GLP1R: variants seen among roughly 807,000 people sequenced by gnomAD.
The protein encoded by GLP1R is glucagon like peptide 1 receptor.
A neutral mutation model predicts 68.4 loss-of-function variants in GLP1R; 32 were observed. That is an observed-to-expected ratio of 0.47 (90% CI 0.35 to 0.63). GLP1R has a LOEUF of 0.63. Ranked by LOEUF, GLP1R falls within the 20% of genes least tolerant of loss-of-function variation. GLP1R has a pLI of 0.00. For missense variants in GLP1R, 502 were observed against 594.9 expected (o/e 0.84, Z 1.62); for synonymous variants, 263 against 244.4 (o/e 1.08, Z -0.71).
At chr6:39,053,081 A>T (rs1768124020) in intron 1 of GLP1R, among the ~76,000 whole-genome samples, 1 of 152,084 alleles carries the variant, frequency 6.6e-6, no homozygotes, top group Non-Finnish European at 1.5e-5. Context: ...AAGCCTGTCA[A>T]GTCTTGATTC....
At chr6:39,080,077 G>A (rs1177877894) in intron 11 of GLP1R, among the ~76,000 whole-genome samples, 2 of 152,110 alleles carry the variant, frequency 1.3e-5, no homozygotes, top group Non-Finnish European at 2.9e-5. Context: ...AGACTCAGAG[G>A]TGTTAAAACC....
At position 39,055,725 on chromosome 6, in the gene GLP1R, G is replaced by A. The variant is rs3799705; in HGVS notation, c.79-672G>A. Among the ~76,000 whole-genome samples the A allele has an allele frequency of 5.9e-3, 755 of 127,414 alleles. 10 individuals carry two copies. Among genetic ancestry groups the A allele is most frequent in the African/African-American group, 0.03 (703 of 23,114 alleles). 83.6% of individuals were successfully genotyped at this position (127,414 alleles called of 152,430 possible). ...GTGTCAGAGGGGAGCACGGGGAGGGGGTGGGGGGTGCTGTGTTGAGTGCAT... is the reference window on the plus strand; with the variant it reads ...GTGTCAGAGGGGAGCACGGGGAGGGAGTGGGGGGTGCTGTGTTGAGTGCAT... On this transcript the variant is annotated intron_variant, in intron 1 of 12. Coordinates refer to ENST00000373256, the MANE Select transcript of GLP1R (RefSeq NM_002062.5).
At chr6:39,081,649 G>C (rs1252977382) in intron 12 of GLP1R, among the ~76,000 whole-genome samples, 1 of 152,182 alleles carries the variant, frequency 6.6e-6, no homozygotes, top group Non-Finnish European at 1.5e-5. Flanking sequence ...ATGGGTGTGG[G>C]GGATGCAGAA....
intron 7 of GLP1R, among the ~76,000 whole-genome samples, chr6:39,077,313 G>A (rs1238113551): frequency 1.3e-5 from 2 of 152,216 alleles, no homozygotes; most frequent in Admixed American, 6.5e-5. Context: ...GCAGCCAGCT[G>A]TCACCAGGGT....
intron 5 of GLP1R, 95 bp downstream of exon 5, chr6:39,066,398 C>T: frequency 1.5e-6 from 1 of 678,572 alleles, no homozygotes; most frequent in Non-Finnish European, 2.6e-6. Flanking sequence ...AGCAACAGTG[C>T]AGCACATTCG....
At chr6:39,071,681 C>T (rs1395779172) in intron 5 of GLP1R, among the ~76,000 whole-genome samples, 1 of 152,020 alleles carries the variant, frequency 6.6e-6, no homozygotes, top group Non-Finnish European at 1.5e-5. Context: ...TTTCCCTGTC[C>T]GGATACCATG....
Position 39,057,504 on chromosome 6 carries a change from G to T in GLP1R, c.208G>T (p.Ala70Ser). ...LFCNRTFDEY[A>S]CWPDGEPGSF... ...CTGCAACCGGACCTTCGATGAATAC[G>T]CCTGCTGGCCAGATGGGGAGCCAGG... Residue 70 changes from alanine to serine, a missense_variant, in exon 3 of 13, where the codon GCC (alanine) becomes TCC (serine). By Grantham distance (99) the Ala-to-Ser change is moderately conservative. Transcript: ENST00000373256. The T allele has an allele frequency of 1.2e-6, 2 of 1,613,418 alleles. No homozygotes were observed. Among genetic ancestry groups the T allele is most frequent in the Non-Finnish European group, 1.7e-6 (2 of 1,179,506 alleles).
intron 3 of GLP1R, among the ~76,000 whole-genome samples, chr6:39,064,999 G>A (rs2150827075): frequency 6.6e-6 from 1 of 152,306 alleles, no homozygotes; most frequent in South Asian, 2.1e-4. Flanking sequence ...TGTGAAGGTA[G>A]GAGCTGGGTA....
intron 1 of GLP1R, among the ~76,000 whole-genome samples, chr6:39,053,539 A>G (rs2150819504): frequency 6.6e-6 from 1 of 152,256 alleles, no homozygotes; most frequent in South Asian, 2.1e-4. Context: ...TGCCCTTTCC[A>G]CTAAACAGTA....
chr6:39,077,534 A>G (rs781200077), intron 7 of GLP1R, among the ~76,000 whole-genome samples: 2 of 152,210 alleles, frequency 1.3e-5, no homozygotes, highest in Non-Finnish European at 2.9e-5. Context: ...AGAGAATGCA[A>G]AACAAGCCAC....
chr6:39,048,795 G>C lies in GLP1R; in HGVS notation c.-46G>C. 1 of 888,078 alleles carries C rather than the reference G, an allele frequency of 1.1e-6. No homozygotes were observed. Among genetic ancestry groups the C allele is most frequent in the South Asian group, 1.5e-5 (1 of 68,816 alleles). 55.0% of individuals were successfully genotyped at this position (888,078 alleles called of 1,614,324 possible). A position where few individuals can be genotyped will look rare whatever the true frequency, so the allele number is the denominator to read the frequency against. On this transcript the variant is annotated 5_prime_UTR_variant, in exon 1 of 13. Transcript: ENST00000373256. ...ACCAGCCCGGGATCAGTCTCCGCAC[G>C]CGGTTCCGCAGGTGGCAGCGATGGC...
chr6:39,089,756 G>A lies in GLP1R; in HGVS notation c.*3683G>A, dbSNP rs530539093. ...CGCACACCCGAGGCTGGGAGTCTAA[G>A]TGGTAGATGCTTCCTCTCCATGCGC... On this transcript the variant is annotated 3_prime_UTR_variant, in exon 13 of 13. Coordinates refer to ENST00000373256, the MANE Select transcript of GLP1R (RefSeq NM_002062.5). This position sits in a 1 kb window ranked among gnomAD's most constrained non-coding sequence, Gnocchi z 4.1. Among the ~76,000 whole-genome samples the A allele has an allele frequency of 5.9e-5, 9 of 152,338 alleles. No individual in the cohort carries two copies. The highest frequency in any genetic ancestry group is 2.2e-4 in the African/African-American group (9 of 41,578).
At position 39,086,019 on chromosome 6, in the gene GLP1R, A is replaced by C. The variant is rs757409031; in HGVS notation, c.1338A>C (p.Gly446=). Residue 446 remains glycine, a synonymous_variant, in exon 13 of 13, where the codon GGA becomes GGC. Transcript: ENST00000373256. The surrounding 1 kb of genome is among the most constrained non-coding windows in gnomAD (Gnocchi z 4.5). ...LKCPTSSLSS[G]ATAGSSMYTA... The stretch of plus-strand genomic sequence containing the variant: ...GTCCCACCAGCAGCCTGAGCAGTGG[A>C]GCCACGGCGGGCAGCAGCATGTACA... 6.2e-7 allele frequency: 1 copy of C among 1,613,926 alleles called. No individual in the cohort carries two copies. Among genetic ancestry groups the C allele is most frequent in the East Asian group, 2.2e-5 (1 of 44,890 alleles).
intron 1 of GLP1R, among the ~76,000 whole-genome samples, chr6:39,054,979 A>G (rs1768178685): frequency 6.6e-6 from 1 of 152,172 alleles, no homozygotes; most frequent in Non-Finnish European, 1.5e-5. Context: ...TTTTTCCCCA[A>G]GCAAATACAG....
intron 12 of GLP1R, among the ~76,000 whole-genome samples, chr6:39,084,829 A>C (rs1008082590): frequency 1.3e-5 from 2 of 152,180 alleles, no homozygotes; most frequent in East Asian, 3.9e-4. Context: ...GCATAGCTGG[A>C]TGGACGACAA....
At chr6:39,085,778 G>T in intron 12 of GLP1R, 128 bp from the exon 13 acceptor site, 2 of 821,786 alleles carry the variant, frequency 2.4e-6, no homozygotes, top group Non-Finnish European at 2.0e-6. Flanking sequence ...GAGCCCGAAG[G>T]CCTTGACTTG....
chr6:39,051,585 G>T (rs1457949716), intron 1 of GLP1R, among the ~76,000 whole-genome samples: 2 of 152,164 alleles, frequency 1.3e-5, no homozygotes, highest in Non-Finnish European at 2.9e-5. Context: ...TTGCACCAAG[G>T]CAAAACAGGC....
rs1562022588 is a variant in GLP1R, at chr6:39,088,386, C to T, written c.*2313C>T. 6.6e-6 allele frequency among the ~76,000 whole-genome samples: 1 copy of T among 152,170 alleles called. No individual in the cohort carries two copies. Among genetic ancestry groups the T allele is most frequent in the African/African-American group, 2.4e-5 (1 of 41,432 alleles). Reference sequence around the variant, plus strand: ...AATATGGCTCCAACAGGTCTGGGAACTATTGAATGCAATGTACTCTGAAAT... The same window carrying T: ...AATATGGCTCCAACAGGTCTGGGAATTATTGAATGCAATGTACTCTGAAAT... On this transcript the variant is annotated 3_prime_UTR_variant, in exon 13 of 13. Coordinates refer to ENST00000373256, the MANE Select transcript of GLP1R (RefSeq NM_002062.5).
intron 1 of GLP1R, among the ~76,000 whole-genome samples, chr6:39,053,667 A>G (rs1583613299): frequency 2.0e-5 from 3 of 152,160 alleles, no homozygotes; most frequent in African/African-American, 7.2e-5. Flanking sequence ...CTTTTGCACA[A>G]GTGTAAGCTG....
Sources: gnomAD v4.1 joint callset for allele counts (sites outside exome capture counted in the v4.1 genomes callset) on GRCh38, gnomAD v4.1.1 for gene constraint, Gnocchi (gnomAD v3.1) non-coding constraint, MANE v1.5 for transcripts, NCBI Gene and HGNC (gene_info 2026-07-23, HGNC 2026-07-21) for gene names.